The following PLCB4 variants were observed in gnomAD, a reference collection of about 807,000 sequenced individuals.
The protein encoded by PLCB4 is 1-phosphatidylinositol 4,5-bisphosphate phosphodiesterase beta-4.
In PLCB4, 77 loss-of-function variants were observed where a neutral mutation model predicts 178.8. The ratio of observed to expected loss-of-function variants is 0.43; its 90% CI spans 0.36 to 0.52. The LOEUF (loss-of-function observed/expected upper bound fraction) is 0.52. Among genes scored for constraint, PLCB4 ranks in the 20% least tolerant of loss-of-function variants. PLCB4 has a pLI of 0.00. For synonymous variants in PLCB4, 496 were observed against 490.8 expected (o/e 1.01, Z -0.14); for missense variants, 1,024 against 1,453.4 (o/e 0.70, Z 4.80).
At chr20:9,281,329 T>C (rs563644010) in intron 3 of PLCB4, among the ~76,000 whole-genome samples, 7 of 152,142 alleles carry the variant, frequency 4.6e-5, no homozygotes, top group Admixed American at 3.9e-4. Context: ...AGTAGTTTAA[T>C]CACTTTAAAA....
intron 3 of PLCB4, among the ~76,000 whole-genome samples, chr20:9,301,077 T>C (rs981814674): frequency 2.0e-5 from 3 of 151,356 alleles, no homozygotes; most frequent in East Asian, 3.9e-4. Context: ...CGTAGTCGCA[T>C]TTCCTCCTCC....
At chr20:9,356,281 G>C (rs961921413) in intron 7 of PLCB4, among the ~76,000 whole-genome samples, 1 of 152,136 alleles carries the variant, frequency 6.6e-6, no homozygotes, top group Non-Finnish European at 1.5e-5. Flanking sequence ...TTGCTGTGCA[G>C]AAGCTCTTTA....
At chr20:9,427,089 G>A (rs2041070383) in intron 28 of PLCB4, among the ~76,000 whole-genome samples, 1 of 152,262 alleles carries the variant, frequency 6.6e-6, no homozygotes, top group South Asian at 2.1e-4. Flanking sequence ...GCCTGCCATG[G>A]TAGCACACGC....
rs528002826 is a variant in PLCB4 at position 9,472,912 on chromosome 20, C to T, written c.3408+65C>T. 5.8e-6 allele frequency: 5 copies of T among 867,870 alleles called. No individual in the cohort carries two copies. The East Asian group carries it at 1.3e-4, about 22-fold the overall frequency. The allele number at this position is 867,870 out of a possible 1,614,324, so 53.8% of individuals were successfully genotyped here. A position where few individuals can be genotyped will look rare whatever the true frequency, so the allele number is the denominator to read the frequency against. ...AAACTATAAACAATAACATGCTTAGCCACCAGATCTCTAGCTAATTTGTTT... is the reference window on the plus strand; with the variant it reads ...AAACTATAAACAATAACATGCTTAGTCACCAGATCTCTAGCTAATTTGTTT... On this transcript the variant is annotated intron_variant, in intron 37 of 39. Transcript: ENST00000378473.
intron 28 of PLCB4, among the ~76,000 whole-genome samples, chr20:9,432,290 G>A (rs2041475511): frequency 6.6e-6 from 1 of 152,040 alleles, no homozygotes; most frequent in Non-Finnish European, 1.5e-5. Flanking sequence ...TTGCTTTATT[G>A]ATTCTGTAAC....
At chr20:9,476,639 A>G in intron 38 of PLCB4, 78 bp from the exon 39 acceptor site, 1 of 986,028 alleles carries the variant, frequency 1.0e-6, no homozygotes, top group African/African-American at 1.6e-5. Context: ...CATTTTTCAA[A>G]TTCACTTCAA....
intron 2 of PLCB4, among the ~76,000 whole-genome samples, chr20:9,195,164 A>T (rs1394314919): frequency 2.0e-5 from 3 of 152,192 alleles, no homozygotes; most frequent in Non-Finnish European, 4.4e-5. Flanking sequence ...GGTTTTTCGC[A>T]AAATCATCCC....
At chr20:9,274,004 C>T (rs921359496) in intron 3 of PLCB4, among the ~76,000 whole-genome samples, 3 of 152,106 alleles carry the variant, frequency 2.0e-5, no homozygotes, top group Middle Eastern at 3.4e-3. Context: ...CAGGGGAAGA[C>T]GGGGCAGATG....
chr20:9,419,933 G>A (rs192036420), intron 26 of PLCB4, 24 bp downstream of exon 26: 608 of 1,427,938 alleles, frequency 4.3e-4, no homozygotes, highest in Non-Finnish European at 3.6e-4. Context: ...TCATCACAAG[G>A]TAGTATAAAT....
chr20:9,238,916 G>T lies in PLCB4; in HGVS notation c.-16+21464G>T, dbSNP rs189519263. Among the ~76,000 whole-genome samples the T allele has an allele frequency of 4.5e-3, 687 of 152,260 alleles. 5 individuals are homozygous for T. The highest frequency in any genetic ancestry group is 0.016 in the African/African-American group (665 of 41,558). ...CATCTCCACTTAATTTTTTGGAGGCGATCACTATAGCCGTTTCTGTTTTTA... is the reference window on the plus strand; with the variant it reads ...CATCTCCACTTAATTTTTTGGAGGCTATCACTATAGCCGTTTCTGTTTTTA... On this transcript the variant is annotated intron_variant, in intron 3 of 39. Coordinates refer to ENST00000378473, the MANE Select transcript of PLCB4 (RefSeq NM_001377142.1).
At chr20:9,098,336 G>A (rs530946118) in intron 2 of PLCB4, among the ~76,000 whole-genome samples, 12 of 152,196 alleles carry the variant, frequency 7.9e-5, no homozygotes, top group Admixed American at 1.3e-4. Flanking sequence ...CTTAACTGCA[G>A]CATAAATCAT....
intron 30 of PLCB4, among the ~76,000 whole-genome samples, chr20:9,442,218 T>G (rs535384191): frequency 2.0e-5 from 3 of 152,314 alleles, no homozygotes; most frequent in Admixed American, 6.5e-5. Flanking sequence ...CTTGAGTTCC[T>G]CATTCACACT....
At chr20:9,078,168 A>G (rs1457415124) in intron 1 of PLCB4, among the ~76,000 whole-genome samples, 13 of 151,858 alleles carry the variant, frequency 8.6e-5, no homozygotes, top group Admixed American at 8.5e-4. Flanking sequence ...TTTTGTAGAG[A>G]CAGGGTCTCG....
intron 3 of PLCB4, among the ~76,000 whole-genome samples, chr20:9,251,697 A>G (rs2094182287): frequency 6.6e-6 from 1 of 152,014 alleles, no homozygotes; most frequent in South Asian, 2.1e-4. Context: ...GTTCTTACCC[A>G]TTAGATGGAT....
At chr20:9,260,853 G>A (rs1293429615) in intron 3 of PLCB4, among the ~76,000 whole-genome samples, 1 of 152,102 alleles carries the variant, frequency 6.6e-6, no homozygotes, top group African/African-American at 2.4e-5. Flanking sequence ...GTTGAAATAT[G>A]TTCTAGCCCC....
At position 9,108,899 on chromosome 20, in the gene PLCB4, A is replaced by AAG. The variant is rs34242182; in HGVS notation, c.-79+12583_-79+12584dup. 3.5e-3 allele frequency among the ~76,000 whole-genome samples: 504 copies of AAG among 142,528 alleles called. 1 individual carries two copies. The highest frequency in any genetic ancestry group is 9.7e-3 in the African/African-American group (371 of 38,272). The allele number at this position is 142,528 out of a possible 152,430, so 93.5% of individuals were successfully genotyped here. On this transcript the variant is annotated intron_variant, in intron 2 of 39. Transcript: ENST00000378473. ...TGAGAGAGAGAGGAAGAGAGAAAAC[A>AAG]AGAGAGAGAGAGAGAGAGAGAGAGA...
At chr20:9,098,269 A>G (rs1168868278) in intron 2 of PLCB4, among the ~76,000 whole-genome samples, 1 of 152,210 alleles carries the variant, frequency 6.6e-6, no homozygotes, top group African/African-American at 2.4e-5. Flanking sequence ...AGTTATAAAA[A>G]TACACTTTTA....
At chr20:9,095,678 G>A (rs2090881104) in intron 1 of PLCB4, among the ~76,000 whole-genome samples, 1 of 152,124 alleles carries the variant, frequency 6.6e-6, no homozygotes. Flanking sequence ...AGTAATACAT[G>A]TAAAATAAAA....
At chr20:9,416,376 G>T (rs564039744) in intron 25 of PLCB4, among the ~76,000 whole-genome samples, 3 of 152,296 alleles carry the variant, frequency 2.0e-5, no homozygotes, top group African/African-American at 7.2e-5. Context: ...GAACTGGAAA[G>T]GTGACTCCAG....
Sources: gnomAD v4.1 joint callset for allele counts (sites outside exome capture counted in the v4.1 genomes callset) on GRCh38, gnomAD v4.1.1 for gene constraint, MANE v1.5 for transcripts, NCBI Gene and HGNC (gene_info 2026-07-23, HGNC 2026-07-21) for gene names.